ASB18: variants seen among roughly 807,000 people sequenced by gnomAD.
ASB18 encodes the protein ankyrin repeat and SOCS box protein 18.
Under a neutral mutation model 33.4 loss-of-function variants are expected in ASB18, and 33 were observed. That is an observed-to-expected ratio of 0.99 (90% confidence interval 0.75 to 1.32). The LOEUF (loss-of-function observed/expected upper bound fraction) is 1.32, where lower values mean the gene tolerates loss of function less well. Ranked by LOEUF, ASB18 falls within the 40% of genes most tolerant of loss-of-function variation. The probability of loss-of-function intolerance (pLI) is 0.00; values close to 1 mark genes in which losing one functional copy is unlikely to be tolerated. For synonymous variants in ASB18, 295 were observed against 307.6 expected, an observed-to-expected ratio of 0.96 and a Z score of 0.43; for missense variants, 694 against 655.5, an observed-to-expected ratio of 1.06 and a Z score of -0.64.
At chr2:236,246,346 CAAAAAAAAAAAAAAA>C (rs60064230) in intron 1 of ASB18, among the ~76,000 whole-genome samples, 7 of 32,718 alleles carry the variant, frequency 2.1e-4, no homozygotes, top group East Asian at 2.4e-3. Flanking sequence ...GACTCCATCT[CAAAAAAAAAAAAAAA>C]AAAAAAAAAA....
Position 236,257,775 on chromosome 2 carries a change from A to C in ASB18, c.205+6366T>G, listed in dbSNP as rs1277050265. ...AGCAGTGTTCCGGTCTGTAGAACGC[A>C]GCTGTGGGATGAACTACAGGTGCCG... On this transcript the variant is annotated intron_variant, in intron 1 of 5. Transcript: ENST00000409749. The surrounding 1 kb of genome is among the most constrained non-coding windows in gnomAD (Gnocchi z 5.5). Among the ~76,000 whole-genome samples, 5 of 152,192 alleles carry C rather than the reference A, an allele frequency of 3.3e-5. No individual in the cohort carries two copies. Among genetic ancestry groups the C allele is most frequent in the Non-Finnish European group, 7.4e-5 (5 of 68,022 alleles).
In ASB18 at chr2:236,221,405, C is replaced by T. The variant is rs1371323813; in HGVS notation, c.597-6539G>A. Among the ~76,000 whole-genome samples the T allele has an allele frequency of 6.6e-6, 1 of 152,166 alleles. No homozygotes were observed. The highest frequency in any genetic ancestry group is 2.4e-5 in the African/African-American group (1 of 41,436). On this transcript the variant is annotated intron_variant, in intron 3 of 5. Transcript: ENST00000409749. This position sits in a 1 kb window ranked among gnomAD's most constrained non-coding sequence, Gnocchi z 5.6. ...CCCAAATCTCACCTTGAGTTTTACT[C>T]CCATAATTCCCATGTGTTGTGGGAG...
At position 236,225,902 on chromosome 2, in the gene ASB18, G is replaced by A. The variant is rs951042303; in HGVS notation, c.597-11036C>T. ...GGGATGGAGCAGAACGGGGTCCCTA[G>A]GTGTGGAGACCATTGTCATCAAGAG... On this transcript the variant is annotated intron_variant, in intron 3 of 5. Coordinates refer to ENST00000409749, the MANE Select transcript of ASB18 (RefSeq NM_212556.4). The surrounding 1 kb of genome is among the most constrained non-coding windows in gnomAD (Gnocchi z 5.1). 1.3e-5 allele frequency among the ~76,000 whole-genome samples: 2 copies of A among 152,114 alleles called. No individual in the cohort carries two copies. Among genetic ancestry groups the A allele is most frequent in the African/African-American group, 4.8e-5 (2 of 41,416 alleles).
chr2:236,223,435 A>C lies in ASB18; in HGVS notation c.597-8569T>G, dbSNP rs1241701694. Among the ~76,000 whole-genome samples the C allele has an allele frequency of 1.3e-5, 2 of 152,178 alleles. No individual in the cohort carries two copies. The highest frequency in any genetic ancestry group is 4.8e-5 in the African/African-American group (2 of 41,440). On this transcript the variant is annotated intron_variant, in intron 3 of 5. Transcript: ENST00000409749. The surrounding 1 kb of genome is among the most constrained non-coding windows in gnomAD (Gnocchi z 4.6). ...AAAGAAAAGGAGGAAATGGAAAAGA[A>C]AAGACTCTATTAGCTTCTTAGACAG...
chr2:236,229,602 G>A lies in ASB18; in HGVS notation c.596+8087C>T, dbSNP rs1380010794. Among the ~76,000 whole-genome samples the A allele has an allele frequency of 6.6e-6, 1 of 152,162 alleles. No individual in the cohort carries two copies. The highest frequency in any genetic ancestry group is 1.5e-5 in the Non-Finnish European group (1 of 68,044). On this transcript the variant is annotated intron_variant, in intron 3 of 5. Transcript: ENST00000409749. This position sits in a 1 kb window ranked among gnomAD's most constrained non-coding sequence, Gnocchi z 5.2. The stretch of plus-strand genomic sequence containing the variant: ...CACACCTCTAATCCCAGCACTTTGA[G>A]AGGCCAAGGTGGGCAGATCACCTGA...
At position 236,229,586 on chromosome 2, in the gene ASB18, A is replaced by G. The variant is rs1050484733; in HGVS notation, c.596+8103T>C. On this transcript the variant is annotated intron_variant, in intron 3 of 5. Coordinates refer to ENST00000409749, the MANE Select transcript of ASB18 (RefSeq NM_212556.4). The surrounding 1 kb of genome is among the most constrained non-coding windows in gnomAD (Gnocchi z 5.2). ...GCCTGGCATGGTGGCTCACACCTCT[A>G]ATCCCAGCACTTTGAGAGGCCAAGG... Among the ~76,000 whole-genome samples the G allele has an allele frequency of 2.0e-5, 3 of 152,176 alleles. No individual in the cohort carries two copies. The highest frequency in any genetic ancestry group is 7.2e-5 in the African/African-American group (3 of 41,450).
At position 236,257,771 on chromosome 2, in the gene ASB18, A is replaced by G. The variant is rs999450151; in HGVS notation, c.205+6370T>C. On this transcript the variant is annotated intron_variant, in intron 1 of 5. Coordinates refer to ENST00000409749, the MANE Select transcript of ASB18 (RefSeq NM_212556.4). The surrounding 1 kb of genome is among the most constrained non-coding windows in gnomAD (Gnocchi z 5.5). ...GAGCAGCAGTGTTCCGGTCTGTAGAACGCAGCTGTGGGATGAACTACAGGT... is the reference window on the plus strand; with the variant it reads ...GAGCAGCAGTGTTCCGGTCTGTAGAGCGCAGCTGTGGGATGAACTACAGGT... 3.3e-5 allele frequency among the ~76,000 whole-genome samples: 5 copies of G among 152,166 alleles called. No homozygotes were observed. The highest frequency in any genetic ancestry group is 7.4e-5 in the Non-Finnish European group (5 of 68,026).
rs1042227458 is a variant in ASB18 at position 236,214,492 on chromosome 2, T to A, written c.971A>T (p.Tyr324Phe). 3.0e-5 allele frequency: 45 copies of A among 1,506,226 alleles called. No homozygotes were observed. The highest frequency in any genetic ancestry group is 3.9e-5 in the Non-Finnish European group (44 of 1,135,770). 93.3% of individuals were successfully genotyped at this position (1,506,226 alleles called of 1,614,324 possible). Residue 324 changes from tyrosine (Y) to phenylalanine (F), a missense_variant, in exon 4 of 6, where the codon TAT (tyrosine) becomes TTT (phenylalanine). By Grantham distance (22) the Tyr-to-Phe change is conservative. Coordinates refer to ENST00000409749, the MANE Select transcript of ASB18 (RefSeq NM_212556.4). This position sits in a 1 kb window ranked among gnomAD's most constrained non-coding sequence, Gnocchi z 6.5. Reference sequence around the variant, plus strand: ...GCGGCCCAGCGGCGAGGCCCCGCCATAGTCGAGCGCGCCCGCGTCGGCGCC... The same window carrying A: ...GCGGCCCAGCGGCGAGGCCCCGCCAAAGTCGAGCGCGCCCGCGTCGGCGCC... ...RHGADAGALD[Y>F]GGASPLGRVL...
rs765301252 is a variant in ASB18 at position 236,264,308 on chromosome 2, T to C, written c.38A>G (p.Asn13Ser). The C allele has an allele frequency of 6.2e-7, 1 of 1,613,960 alleles. No individual in the cohort carries two copies. The highest frequency in any genetic ancestry group is 1.1e-5 in the South Asian group (1 of 91,074). Residue 13 changes from asparagine to serine, a missense_variant, in exon 1 of 6, where the codon AAC (asparagine) becomes AGC (serine). Physicochemically the swap from Asn to Ser is conservative, Grantham distance 46. Transcript: ENST00000409749. This position sits in a 1 kb window ranked among gnomAD's most constrained non-coding sequence, Gnocchi z 5.1. ...CTTTAATCTCTTCACTAAATCTGAGTTGAGTGGGTAGTCGGGAAGGTAATC... is the reference window on the plus strand; with the variant it reads ...CTTTAATCTCTTCACTAAATCTGAGCTGAGTGGGTAGTCGGGAAGGTAATC... ...NSDYLPDYPL[N>S]SDLVKRLKSA... is the part of the protein sequence containing the mutation.
In ASB18 at chr2:236,245,508, G is replaced by A. The variant is rs977808397; in HGVS notation, c.206-4106C>T. ...TAGGGGTCTGCAGTCCCCAGATAGT[G>A]CCTTCGTCTCTCCAGGTGTCTGTGC... On this transcript the variant is annotated intron_variant, in intron 1 of 5. Transcript: ENST00000409749. The surrounding 1 kb of genome is among the most constrained non-coding windows in gnomAD (Gnocchi z 4.7). 2.0e-5 allele frequency among the ~76,000 whole-genome samples: 3 copies of A among 152,174 alleles called. No homozygotes were observed. Among genetic ancestry groups the A allele is most frequent in the Non-Finnish European group, 4.4e-5 (3 of 68,044 alleles).
Position 236,228,217 on chromosome 2 carries a change from A to T in ASB18, c.596+9472T>A, listed in dbSNP as rs1285103043. Among the ~76,000 whole-genome samples the T allele has an allele frequency of 6.6e-6, 1 of 152,204 alleles. No homozygotes were observed. The highest frequency in any genetic ancestry group is 1.9e-4 in the East Asian group (1 of 5,200). ...AAGTGGAGAATGCTTGTAGCCAAGG[A>T]TGGAAATGTGTCACAAGGTTGGAAC... is the stretch of plus-strand genomic sequence containing the variant. On this transcript the variant is annotated intron_variant, in intron 3 of 5. Transcript: ENST00000409749. The surrounding 1 kb of genome is among the most constrained non-coding windows in gnomAD (Gnocchi z 5.1).
At position 236,195,998 on chromosome 2, in the gene ASB18, A is replaced by G. The variant is rs1363699784; in HGVS notation, c.1215+274T>C. 1.7e-5 allele frequency: 8 copies of G among 459,008 alleles called. No individual in the cohort carries two copies. The highest frequency in any genetic ancestry group is 1.7e-4 in the South Asian group (8 of 47,140). 28.4% of individuals were successfully genotyped at this position (459,008 alleles called of 1,614,324 possible). A position where few individuals can be genotyped will look rare whatever the true frequency, so the allele number is the denominator to read the frequency against. On this transcript the variant is annotated intron_variant, in intron 5 of 5. Coordinates refer to ENST00000409749, the MANE Select transcript of ASB18 (RefSeq NM_212556.4). This position sits in a 1 kb window ranked among gnomAD's most constrained non-coding sequence, Gnocchi z 5.5. ...TCAGGCGGCTCTGGCCTTTCTTTGGACACTGGTTAAGGAACCCTCGCGCTT... is the reference window on the plus strand; with the variant it reads ...TCAGGCGGCTCTGGCCTTTCTTTGGGCACTGGTTAAGGAACCCTCGCGCTT...
In ASB18 at chr2:236,264,199, C is replaced by T. The variant is rs1044445030; in HGVS notation, c.147G>A (p.Leu49=). 9 of 1,613,950 alleles carry T rather than the reference C, an allele frequency of 5.6e-6. No individual in the cohort carries two copies. In the African/African-American group the frequency reaches 1.1e-4, roughly 19 times the overall value. The change falls in exon 1 of 6, where the codon CTG becomes CTA. Residue 49 remains leucine (L), a synonymous_variant. Coordinates refer to ENST00000409749, the MANE Select transcript of ASB18 (RefSeq NM_212556.4). This position sits in a 1 kb window ranked among gnomAD's most constrained non-coding sequence, Gnocchi z 5.1. ...EITPVDAVIE[L]ANDDWMKDPS... is the part of the protein sequence containing the mutation. ...GGTCTTTCATCCAGTCGTCATTGGCCAGTTCTATCACAGCGTCCACAGGCG... is the reference window on the plus strand; with the variant it reads ...GGTCTTTCATCCAGTCGTCATTGGCTAGTTCTATCACAGCGTCCACAGGCG...
In ASB18 at chr2:236,259,545, C is replaced by T. The variant is rs980235308; in HGVS notation, c.205+4596G>A. On this transcript the variant is annotated intron_variant, in intron 1 of 5. Coordinates refer to ENST00000409749, the MANE Select transcript of ASB18 (RefSeq NM_212556.4). This position sits in a 1 kb window ranked among gnomAD's most constrained non-coding sequence, Gnocchi z 4.4. ...TTTCTGTCCCAGTGGGAAGGGATGG[C>T]CTTCCAGTGGACGTGACCTCCCCTG... The T allele has an allele frequency of 2.1e-6, 1 of 471,166 alleles. No individual in the cohort carries two copies. The highest frequency in any genetic ancestry group is 7.0e-5 in the East Asian group (1 of 14,382). 29.2% of individuals were successfully genotyped at this position (471,166 alleles called of 1,614,324 possible). A position where few individuals can be genotyped will look rare whatever the true frequency, so the allele number is the denominator to read the frequency against.
At position 236,251,100 on chromosome 2, in the gene ASB18, T is replaced by C. The variant is rs904629767; in HGVS notation, c.206-9698A>G. On this transcript the variant is annotated intron_variant, in intron 1 of 5. Transcript: ENST00000409749. This position sits in a 1 kb window ranked among gnomAD's most constrained non-coding sequence, Gnocchi z 5.3. Reference sequence around the variant, plus strand: ...TCACTGCTACCAAGCCCAGTGCAGATAATGCAGAACAACAGTCACTTCTCA... The same window carrying C: ...TCACTGCTACCAAGCCCAGTGCAGACAATGCAGAACAACAGTCACTTCTCA... Among the ~76,000 whole-genome samples the C allele has an allele frequency of 2.0e-5, 3 of 152,240 alleles. No homozygotes were observed. Among genetic ancestry groups the C allele is most frequent in the Non-Finnish European group, 4.4e-5 (3 of 68,036 alleles).
At chr2:236,224,902 A>G (rs1173059235) in intron 3 of ASB18, among the ~76,000 whole-genome samples, 1 of 152,150 alleles carries the variant, frequency 6.6e-6, no homozygotes, top group Non-Finnish European at 1.5e-5. Context: ...AGTCCTATCA[A>G]ACAAGACCAT....
At chr2:236,227,404 G>T (rs1433760599) in intron 3 of ASB18, among the ~76,000 whole-genome samples, 1 of 152,190 alleles carries the variant, frequency 6.6e-6, no homozygotes, top group East Asian at 1.9e-4. Context: ...GTCAGCACCT[G>T]CTCCTTACTA....
In ASB18 at chr2:236,227,206, G is replaced by A. The variant is rs527445333; in HGVS notation, c.596+10483C>T. On this transcript the variant is annotated intron_variant, in intron 3 of 5. Transcript: ENST00000409749. ...ATCAAATGGGTTATATTTTCCATAG[G>A]AACATGTTATAATGGGGAGTTATGT... Among the ~76,000 whole-genome samples the A allele has an allele frequency of 5.3e-5, 8 of 152,236 alleles. No individual in the cohort carries two copies. The East Asian group carries it at 9.6e-4, about 18-fold the overall frequency.
Position 236,260,494 on chromosome 2 carries a change from A to G in ASB18, c.205+3647T>C, listed in dbSNP as rs1004513745. ...ACCCTACATGTAGCTTAGAATCCAA[A>G]CAGCTCTTTCTCCCATCAAGGATGG... On this transcript the variant is annotated intron_variant, in intron 1 of 5. Coordinates refer to ENST00000409749, the MANE Select transcript of ASB18 (RefSeq NM_212556.4). The surrounding 1 kb of genome is among the most constrained non-coding windows in gnomAD (Gnocchi z 5.1). 6.6e-6 allele frequency among the ~76,000 whole-genome samples: 1 copy of G among 150,870 alleles called. No homozygotes were observed. The highest frequency in any genetic ancestry group is 1.5e-5 in the Non-Finnish European group (1 of 67,894).
Sources: gnomAD v4.1 joint callset for allele counts (sites outside exome capture counted in the v4.1 genomes callset) on GRCh38, gnomAD v4.1.1 for gene constraint, Gnocchi (gnomAD v3.1) non-coding constraint, MANE v1.5 for transcripts, NCBI Gene and HGNC (gene_info 2026-07-23, HGNC 2026-07-21) for gene names.